SPATA16: variants seen among roughly 807,000 people sequenced by gnomAD.
The protein encoded by SPATA16 is spermatogenesis-associated protein 16.
In SPATA16, 36 loss-of-function variants were observed where a neutral mutation model predicts 63.3. The observed-to-expected ratio is 0.57, with a 90% confidence interval of 0.44 to 0.75. The LOEUF (loss-of-function observed/expected upper bound fraction) is 0.75. Among genes scored for constraint, SPATA16 ranks in the 30% least tolerant of loss-of-function variants. The probability of loss-of-function intolerance (pLI) is 0.00; values close to 1 mark genes in which losing one functional copy is unlikely to be tolerated. For missense variants in SPATA16, 646 were observed against 679.3 expected (o/e 0.95, Z 0.54); for synonymous variants, 203 against 216.7 (o/e 0.94, Z 0.56).
intron 5 of SPATA16, among the ~76,000 whole-genome samples, chr3:172,966,929 C>T (rs537610742): frequency 1.3e-5 from 2 of 152,256 alleles, no homozygotes; most frequent in African/African-American, 4.8e-5. Flanking sequence ...CCATAAAAAT[C>T]TATGGAAAAT....
At chr3:172,927,679 T>C (rs542245665) in intron 6 of SPATA16, among the ~76,000 whole-genome samples, 3 of 152,286 alleles carry the variant, frequency 2.0e-5, no homozygotes, top group African/African-American at 7.2e-5. Flanking sequence ...GGGACCAGAA[T>C]TGAAAATCAG....
chr3:172,924,709 C>G (rs1732688981), intron 7 of SPATA16, among the ~76,000 whole-genome samples: 1 of 152,148 alleles, frequency 6.6e-6, no homozygotes, highest in Non-Finnish European at 1.5e-5. Context: ...TTGAATGTAG[C>G]TCAAAGTTCA....
At chr3:172,918,540 C>T (rs1732549546) in intron 8 of SPATA16, among the ~76,000 whole-genome samples, 3 of 151,760 alleles carry the variant, frequency 2.0e-5, no homozygotes, top group Admixed American at 2.0e-4. Flanking sequence ...AATATTTTAC[C>T]TATCCAAGAT....
chr3:173,074,957 C>T (rs1393935180), intron 2 of SPATA16, among the ~76,000 whole-genome samples: 6 of 134,900 alleles, frequency 4.4e-5, no homozygotes, highest in African/African-American at 1.7e-4. Context: ...AAGATTGCAC[C>T]ATGCCACTCC....
At chr3:173,028,566 T>A (rs1011061679) in intron 3 of SPATA16, among the ~76,000 whole-genome samples, 6 of 151,930 alleles carry the variant, frequency 3.9e-5, no homozygotes, top group African/African-American at 1.4e-4. Context: ...TAAGCAAAAT[T>A]TAAAATAATA....
intron 1 of SPATA16, among the ~76,000 whole-genome samples, chr3:173,126,865 A>G (rs1170746246): frequency 6.6e-6 from 1 of 152,154 alleles, no homozygotes; most frequent in Non-Finnish European, 1.5e-5. Flanking sequence ...TGTTGTCACA[A>G]TTTCCAAATG....
intron 3 of SPATA16, among the ~76,000 whole-genome samples, chr3:173,021,649 G>T (rs989281141): frequency 6.6e-6 from 1 of 152,072 alleles, no homozygotes; most frequent in Non-Finnish European, 1.5e-5. Flanking sequence ...TGAGGGCAGA[G>T]CTTTGTCCAG....
chr3:173,057,115 C>CTT (rs397876631), intron 2 of SPATA16, among the ~76,000 whole-genome samples: 460 of 138,162 alleles, frequency 3.3e-3, no homozygotes, highest in Non-Finnish European at 4.5e-3. Flanking sequence ...CTTTTCTTTT[C>CTT]TTTTTTTTTT....
intron 2 of SPATA16, among the ~76,000 whole-genome samples, chr3:173,104,207 C>A (rs2108327521): frequency 6.6e-6 from 1 of 152,286 alleles, no homozygotes; most frequent in African/African-American, 2.4e-5. Flanking sequence ...TAACCAGTTT[C>A]TAAGAAGTTC....
chr3:173,062,597 G>A (rs1317897975), intron 2 of SPATA16, among the ~76,000 whole-genome samples: 1 of 152,114 alleles, frequency 6.6e-6, no homozygotes, highest in Non-Finnish European at 1.5e-5. Flanking sequence ...CAGACAATAA[G>A]TGTTAGAGCT....
At chr3:172,923,871 G>A (rs1179479305) in intron 8 of SPATA16, among the ~76,000 whole-genome samples, 1 of 152,182 alleles carries the variant, frequency 6.6e-6, no homozygotes, top group East Asian at 1.9e-4. Context: ...AAGTGAAATA[G>A]AGAAAACATT....
Position 172,916,496 on chromosome 3 carries a change from A to G in SPATA16, c.1339-15T>C, listed in dbSNP as rs972768885. ...GGAAAACTCCCCTAGTCTCAAAGTA[A>G]AAGAAATGTTTTAGAACAAAACCAC... On this transcript the variant is annotated splice_polypyrimidine_tract_variant and intron_variant, in intron 8 of 10. Coordinates refer to ENST00000351008, the MANE Select transcript of SPATA16 (RefSeq NM_031955.6). The G allele has an allele frequency of 6.2e-7, 1 of 1,613,358 alleles. No individual in the cohort carries two copies. Among genetic ancestry groups the G allele is most frequent in the Middle Eastern group, 1.6e-4 (1 of 6,084 alleles).
At chr3:173,064,781 A>T (rs1736476031) in intron 2 of SPATA16, among the ~76,000 whole-genome samples, 1 of 152,230 alleles carries the variant, frequency 6.6e-6, no homozygotes, top group Non-Finnish European at 1.5e-5. Flanking sequence ...GTTATAGCTA[A>T]GCCCAAAGTC....
intron 2 of SPATA16, among the ~76,000 whole-genome samples, chr3:173,061,108 A>C (rs986312728): frequency 1.5e-4 from 23 of 152,346 alleles, no homozygotes; most frequent in African/African-American, 5.5e-4. Context: ...ACCAGAGTTC[A>C]CTACTCTTTA....
intron 10 of SPATA16, among the ~76,000 whole-genome samples, chr3:172,899,884 C>A (rs1337812892): frequency 2.0e-5 from 3 of 152,062 alleles, no homozygotes; most frequent in Non-Finnish European, 4.4e-5. Flanking sequence ...TGTCTCTTCA[C>A]CCTCTCCCAT....
intron 2 of SPATA16, among the ~76,000 whole-genome samples, chr3:173,070,185 A>T (rs1170874613): frequency 1.3e-5 from 2 of 152,126 alleles, no homozygotes; most frequent in African/African-American, 2.4e-5. Context: ...ACTTGAGGCC[A>T]GAAGTTCAAG....
chr3:173,060,776 T>C (rs550203207), intron 2 of SPATA16, among the ~76,000 whole-genome samples: 2 of 152,254 alleles, frequency 1.3e-5, no homozygotes, highest in Non-Finnish European at 1.5e-5. Context: ...AGCTACTCAC[T>C]ACTTTTTAAA....
rs144465092 is a variant in SPATA16 at position 172,943,217 on chromosome 3, G to A, written c.1081+13460C>T. ...GAAAAAGGATGCAATAGAAAGGTTCGACAATGTCAAAACATCTGGCATAAT... is the reference window on the plus strand; with the variant it reads ...GAAAAAGGATGCAATAGAAAGGTTCAACAATGTCAAAACATCTGGCATAAT... On this transcript the variant is annotated intron_variant, in intron 6 of 10. Transcript: ENST00000351008. Among the ~76,000 whole-genome samples the A allele has an allele frequency of 3.5e-3, 533 of 152,202 alleles. 3 individuals carry two copies. The highest frequency in any genetic ancestry group is 0.012 in the African/African-American group (499 of 41,556).
chr3:173,047,330 A>AATTCATC (rs1485254937), intron 3 of SPATA16, among the ~76,000 whole-genome samples: 1 of 151,966 alleles, frequency 6.6e-6, no homozygotes, highest in African/African-American at 2.4e-5. Context: ...ACGATTCAAA[A>AATTCATC]ATTCATCAAA....
Sources: gnomAD v4.1 joint callset for allele counts (sites outside exome capture counted in the v4.1 genomes callset) on GRCh38, gnomAD v4.1.1 for gene constraint, MANE v1.5 for transcripts, NCBI Gene and HGNC (gene_info 2026-07-23, HGNC 2026-07-21) for gene names.